MAP9: variants seen among roughly 807,000 people sequenced by gnomAD.
MAP9 encodes the protein microtubule-associated protein 9.
Under a neutral mutation model 75.2 loss-of-function variants are expected in MAP9, and 80 were observed. The ratio of observed to expected loss-of-function variants is 1.06; its 90% CI spans 0.89 to 1.28. The LOEUF (loss-of-function observed/expected upper bound fraction) is 1.28. MAP9 is among the 50% of genes most tolerant of loss of function. The probability of loss-of-function intolerance (pLI) is 0.00; values close to 1 mark genes in which losing one functional copy is unlikely to be tolerated. For synonymous variants in MAP9, 235 were observed against 237.3 expected, an observed-to-expected ratio of 0.99 and a Z score of 0.09; for missense variants, 753 against 719.9, an observed-to-expected ratio of 1.05 and a Z score of -0.53.
rs1731184819 is a variant in MAP9, at chr4:155,343,546, A to G, written c.*4237T>C. On this transcript the variant is annotated 3_prime_UTR_variant, in exon 14 of 14. Transcript: ENST00000311277. ...TCCAAATTTTTAGTCATTTATAATA[A>G]AAGGTATATTAGCATATGATTATTT... The G allele has an allele frequency of 6.6e-6, 1 of 151,730 alleles. No homozygotes were observed. Among genetic ancestry groups the G allele is most frequent in the Non-Finnish European group, 1.5e-5 (1 of 67,794 alleles). The allele number at this position is 151,730 out of a possible 1,614,324, so 9.4% of individuals were successfully genotyped here. A position where few individuals can be genotyped will look rare whatever the true frequency, so the allele number is the denominator to read the frequency against.
intron 13 of MAP9, chr4:155,349,381 G>C (rs563287682): frequency 1.1e-4 from 1 of 9,320 alleles, no homozygotes; most frequent in Admixed American, 9.5e-4. Flanking sequence ...ATTCCTCAAG[G>C]AGCAGGAAAA....
intron 13 of MAP9, chr4:155,350,931 T>C (rs1488934985): frequency 6.6e-6 from 1 of 152,040 alleles, no homozygotes; most frequent in Non-Finnish European, 1.5e-5. Flanking sequence ...TGGTCTGGCA[T>C]GTTTCTTAAG....
chr4:155,368,479 A>AAC, intron 5 of MAP9, 107 bp downstream of exon 5: 7 of 898,292 alleles, frequency 7.8e-6, no homozygotes, highest in East Asian at 5.1e-5. Context: ...AAGTATGTAA[A>AAC]ACACACACAC....
At chr4:155,355,542 G>A (rs1404390949) in intron 9 of MAP9, among the ~76,000 whole-genome samples, 174 bp downstream of exon 9, 2 of 152,022 alleles carry the variant, frequency 1.3e-5, no homozygotes, top group Non-Finnish European at 2.9e-5. Context: ...TGCAAAGTGT[G>A]GAAGCAAATA....
chr4:155,347,859 C>T lies in MAP9; in HGVS notation c.1868G>A (p.Arg623His), dbSNP rs759726554. 8.3e-5 allele frequency: 133 copies of T among 1,594,990 alleles called. No individual in the cohort carries two copies. The highest frequency in any genetic ancestry group is 8.3e-4 in the Middle Eastern group (5 of 6,018). The change falls in exon 14 of 14, where the codon CGT becomes CAT. Residue 623 changes from arginine to histidine, a missense_variant. Arg to His is a conservative substitution (Grantham distance 29). Transcript: ENST00000311277. ...TGCCTCACTTTCAAGAAAGGAATGACGTTTCTTCTGTTTTCGTTCAATTCT... is the reference window on the plus strand; with the variant it reads ...TGCCTCACTTTCAAGAAAGGAATGATGTTTCTTCTGTTTTCGTTCAATTCT... ...QERIERKQKK[R>H]HSFLESEALP...
intron 6 of MAP9, among the ~76,000 whole-genome samples, chr4:155,361,680 T>C (rs558604360): frequency 6.6e-6 from 1 of 152,196 alleles, no homozygotes; most frequent in East Asian, 1.9e-4. Flanking sequence ...TTAGTCTCAC[T>C]TTAAAATTCC....
chr4:155,353,678 A>T (rs1731629823), intron 10 of MAP9, among the ~76,000 whole-genome samples: 1 of 152,274 alleles, frequency 6.6e-6, no homozygotes, highest in East Asian at 1.9e-4. Context: ...TGGTATAGTA[A>T]AATTTTCATA....
intron 10 of MAP9, 33 bp downstream of exon 10, chr4:155,355,038 C>T: frequency 9.7e-7 from 1 of 1,029,108 alleles, no homozygotes; most frequent in Non-Finnish European, 1.4e-6. Context: ...AAATAAAAAT[C>T]CAAAACATTT....
Position 155,360,209 on chromosome 4 carries a change from G to A in MAP9, c.1009C>T (p.Gln337Ter), listed in dbSNP as rs2111231377. The change falls in exon 7 of 14, where the codon CAG (glutamine) becomes TAG (stop). Residue 337 changes from glutamine (Q) to a stop codon, truncating the protein, a stop_gained. Transcript: ENST00000311277. LOFTEE classifies it high-confidence loss of function. The part of the protein sequence containing the change: ...RTVDPLLSKS[Q>*]SILISTSATA... ...GCACTGGTAGATATTAAGATACTCT[G>A]AGATTTAGATAGTAGTGGATCAACT... 6.2e-7 allele frequency: 1 copy of A among 1,612,566 alleles called. No homozygotes were observed. Among genetic ancestry groups the A allele is most frequent in the East Asian group, 2.2e-5 (1 of 44,788 alleles).
At chr4:155,364,152 T>C (rs1459423548) in intron 5 of MAP9, among the ~76,000 whole-genome samples, 3 of 152,008 alleles carry the variant, frequency 2.0e-5, no homozygotes, top group African/African-American at 4.8e-5. Flanking sequence ...AAATGAATGA[T>C]TACAAGAGAG....
intron 6 of MAP9, 70 bp from the exon 7 acceptor site, chr4:155,360,485 G>T: frequency 7.0e-7 from 1 of 1,431,490 alleles, no homozygotes; most frequent in South Asian, 1.3e-5. Context: ...TGATTCATTT[G>T]CTTTCTTTTA....
intron 13 of MAP9, among the ~76,000 whole-genome samples, chr4:155,351,617 C>T (rs7672238): frequency 0.61 from 92,633 of 151,286 alleles, 29,074 homozygotes; most frequent in East Asian, 0.79. Flanking sequence ...ATTCTAGAAA[C>T]CAGTAAGGAA....
intron 5 of MAP9, among the ~76,000 whole-genome samples, chr4:155,365,400 C>T (rs2111255097): frequency 6.6e-6 from 1 of 152,104 alleles, no homozygotes; most frequent in South Asian, 2.1e-4. Flanking sequence ...AACAAACCCA[C>T]AAACATAACT....
chr4:155,375,676 T>A (rs769007242), intron 2 of MAP9, 100 bp downstream of exon 2: 13 of 652,918 alleles, frequency 2.0e-5, no homozygotes, highest in Non-Finnish European at 3.0e-5. Flanking sequence ...TAATATAAGA[T>A]TTACCCCTGC....
In MAP9 at chr4:155,353,237, T is replaced by C. The variant is rs1324782327; in HGVS notation, c.1484A>G (p.Glu495Gly). The C allele has an allele frequency of 6.2e-7, 1 of 1,608,390 alleles. No homozygotes were observed. The highest frequency in any genetic ancestry group is 2.2e-5 in the East Asian group (1 of 44,618). ...KKIAAKKRLE[E>G]KNKKKTEEEN... ...TTCTTCAGTTTTCTTCTTGTTTTTTTCTTCAAGCCTCTTTTTGGCAGCTAT... is the reference window on the plus strand; with the variant it reads ...TTCTTCAGTTTTCTTCTTGTTTTTTCCTTCAAGCCTCTTTTTGGCAGCTAT... Residue 495 changes from glutamate to glycine, a missense_variant, in exon 11 of 14, where the codon GAA (glutamate) becomes GGA (glycine). Glu to Gly is a moderately conservative substitution (Grantham distance 98). Transcript: ENST00000311277.
rs554537361 is a variant in MAP9, at chr4:155,366,274, G to A, written c.708+2312C>T. ...CTCGGGAGGCTGAAGCAGGAGAATGGAGTGAACCTGGGAGGCAGAGCTTGC... is the reference window on the plus strand; with the variant it reads ...CTCGGGAGGCTGAAGCAGGAGAATGAAGTGAACCTGGGAGGCAGAGCTTGC... On this transcript the variant is annotated intron_variant, in intron 5 of 13. Coordinates refer to ENST00000311277, the MANE Select transcript of MAP9 (RefSeq NM_001039580.2). Among the ~76,000 whole-genome samples, 4 of 151,802 alleles carry A rather than the reference G, an allele frequency of 2.6e-5. No homozygotes were observed. The South Asian group carries it at 8.3e-4, about 32-fold the overall frequency.
intron 4 of MAP9, 22 bp downstream of exon 4, chr4:155,373,114 T>G (rs1172486311): frequency 6.9e-7 from 1 of 1,445,804 alleles, no homozygotes; most frequent in Non-Finnish European, 9.2e-7. Flanking sequence ...GAAATGCAAT[T>G]ACAGTAATCC....
chr4:155,357,696 G>A (rs542980771), intron 7 of MAP9, among the ~76,000 whole-genome samples, 177 bp from the exon 8 acceptor site: 14 of 152,158 alleles, frequency 9.2e-5, no homozygotes, highest in Admixed American at 6.6e-4. Context: ...TTCTAGAGAC[G>A]GATGACCAAA....
chr4:155,347,827 G>A lies in MAP9; in HGVS notation c.1900C>T (p.Pro634Ser). 6.2e-7 allele frequency: 1 copy of A among 1,610,118 alleles called. No individual in the cohort carries two copies. Among genetic ancestry groups the A allele is most frequent in the Non-Finnish European group, 8.5e-7 (1 of 1,177,702 alleles). ...ACAGTTCTGCTTGGAGGGCTCCACG[G>A]AGGAAGTGCCTCACTTTCAAGAAAG... ...HSFLESEALP[P>S]WSPPSRTVFA... Residue 634 changes from proline (P) to serine (S), a missense_variant, in exon 14 of 14, where the codon CCG (proline) becomes TCG (serine). Transcript: ENST00000311277.
Sources: gnomAD v4.1 joint callset for allele counts (sites outside exome capture counted in the v4.1 genomes callset) on GRCh38, gnomAD v4.1.1 for gene constraint, MANE v1.5 for transcripts, NCBI Gene and HGNC (gene_info 2026-07-23, HGNC 2026-07-21) for gene names.